The following NFATC2 variants were observed in gnomAD, a reference collection of about 807,000 sequenced individuals.
NFATC2 encodes the protein nuclear factor of activated T cells 2.
Under a neutral mutation model 87.3 loss-of-function variants are expected in NFATC2, and 22 were observed. The ratio of observed to expected loss-of-function variants is 0.25; its 90% confidence interval spans 0.18 to 0.36. The LOEUF (loss-of-function observed/expected upper bound fraction) is 0.36, where lower values mean the gene tolerates loss of function less well. NFATC2 is among the 10% of genes least tolerant of loss of function. The pLI, the probability that NFATC2 is intolerant of heterozygous loss-of-function variation, is 1.00. For synonymous variants in NFATC2, 565 were observed against 542.2 expected (o/e 1.04, Z -0.58); for missense variants, 1,149 against 1,259.1 (o/e 0.91, Z 1.32).
At chr20:51,428,153 TA>T (rs1982139490) in intron 9 of NFATC2, among the ~76,000 whole-genome samples, 2 of 151,658 alleles carry the variant, frequency 1.3e-5, no homozygotes, top group Non-Finnish European at 2.9e-5. Flanking sequence ...GACAGAGGAA[TA>T]GGGGAGAAAG....
At position 51,528,626 on chromosome 20, in the gene NFATC2, G is replaced by A. The variant is rs938030914; in HGVS notation, c.131-4516C>T. Among the ~76,000 whole-genome samples the A allele has an allele frequency of 5.9e-5, 9 of 152,376 alleles. No homozygotes were observed. The East Asian group carries it at 1.7e-3, about 29-fold the overall frequency. ...AGGGGAACTAAGGAATGGGAGGACA[G>A]TGGCATGGCAGAAAGGAGACTTCCT... On this transcript the variant is annotated intron_variant, in intron 1 of 10. Coordinates refer to ENST00000371564, the MANE Select transcript of NFATC2 (RefSeq NM_012340.5).
intron 3 of NFATC2, among the ~76,000 whole-genome samples, chr20:51,481,490 G>T (rs1195323806): frequency 3.3e-5 from 5 of 152,156 alleles, no homozygotes; most frequent in African/African-American, 1.2e-4. Context: ...CTGCAGCCAA[G>T]GTGAGAGCGA....
intron 9 of NFATC2, among the ~76,000 whole-genome samples, chr20:51,416,892 C>CGCTGGTTGAATGTGAGG (rs1435259526): frequency 1.1e-4 from 17 of 152,220 alleles, no homozygotes; most frequent in Non-Finnish European, 2.4e-4. Context: ...TTCACTTTAG[C>CGCTGGTTGAATGTGAGG]GCTGGTTGAA....
At position 51,436,585 on chromosome 20, in the gene NFATC2, G is replaced by A. The variant is rs181426750; in HGVS notation, c.1850-824C>T. On this transcript the variant is annotated intron_variant, in intron 6 of 10. Transcript: ENST00000371564. ...CAAAAATTAGCCAGGTGTGGTTGCA[G>A]GTGCCTGTAATCCCAGCTACTTGGG... Among the ~76,000 whole-genome samples the A allele has an allele frequency of 1.4e-3, 216 of 152,008 alleles. 1 individual carries two copies. In the South Asian group the frequency reaches 0.017, roughly 12 times the overall value.
chr20:51,535,521 G>A (rs925016588), intron 1 of NFATC2, among the ~76,000 whole-genome samples: 1 of 152,168 alleles, frequency 6.6e-6, no homozygotes, highest in East Asian at 1.9e-4. Context: ...CTTTTCCCCA[G>A]GAGCTTTCAT....
chr20:51,449,082 C>T (rs1985450393), intron 6 of NFATC2, among the ~76,000 whole-genome samples: 1 of 152,076 alleles, frequency 6.6e-6, no homozygotes, highest in Non-Finnish European at 1.5e-5. Context: ...TGCCGATGAC[C>T]AAACTCGGGG....
chr20:51,391,597 C>T (rs2146195936), intron 10 of NFATC2, 146 bp from the exon 11 acceptor site: 4 of 848,030 alleles, frequency 4.7e-6, no homozygotes, highest in Non-Finnish European at 7.4e-6. Context: ...GGCTGGAGTG[C>T]AATGGCATGA....
At chr20:51,547,023 A>G (rs2076895050), upstream of NFATC2, among the ~76,000 whole-genome samples, 2 of 152,168 alleles carry the variant, frequency 1.3e-5, no homozygotes, top group Admixed American at 6.5e-5. Flanking sequence ...GCTGGGAGGT[A>G]AGTGGGGCCC....
At position 51,499,985 on chromosome 20, in the gene NFATC2, C is replaced by T. The variant is rs6096448; in HGVS notation, c.1332+16799G>A. Among the ~76,000 whole-genome samples the T allele has an allele frequency of 3.3e-3, 500 of 152,216 alleles. 2 individuals are homozygous for T. Among genetic ancestry groups the T allele is most frequent in the African/African-American group, 0.011 (470 of 41,510 alleles). The stretch of plus-strand genomic sequence containing the variant: ...AACCTCTGCCTTTAATGATCTGAGT[C>T]GTGGCTCTGCCAATTTAGTTGCTGT... On this transcript the variant is annotated intron_variant, in intron 3 of 10. Transcript: ENST00000371564.
chr20:51,544,553 G>C (rs1211304466), upstream of NFATC2, among the ~76,000 whole-genome samples: 1 of 152,300 alleles, frequency 6.6e-6, no homozygotes, highest in South Asian at 2.1e-4. Context: ...AGATGTTGGG[G>C]ATGCAACCAT....
At chr20:51,397,249 T>C (rs1987300933) in intron 10 of NFATC2, among the ~76,000 whole-genome samples, 1 of 152,202 alleles carries the variant, frequency 6.6e-6, no homozygotes, top group Non-Finnish European at 1.5e-5. Context: ...CTCCCAGACC[T>C]CTGCTTTACA....
At position 51,523,918 on chromosome 20, in the gene NFATC2, C is replaced by T. The variant is rs1446854041; in HGVS notation, c.323G>A (p.Gly108Asp). 2.5e-6 allele frequency: 4 copies of T among 1,603,280 alleles called. No homozygotes were observed. Among genetic ancestry groups the T allele is most frequent in the South Asian group, 1.1e-5 (1 of 89,562 alleles). The change falls in exon 2 of 11, where the codon GGC becomes GAC. Residue 108 changes from glycine to aspartate, a missense_variant. Physicochemically the swap from Gly to Asp is moderately conservative, Grantham distance 94. Around this residue, in one of 3 missense-constraint regions of NFATC2, gnomAD observed 563 missense variants for 585.2 expected, o/e 0.96. Coordinates refer to ENST00000371564, the MANE Select transcript of NFATC2 (RefSeq NM_012340.5). The surrounding 1 kb of genome is among the most constrained non-coding windows in gnomAD (Gnocchi z 6.9). ...AGTGATCTCGATCCGAGGGCTCAGG[C>T]CCGAGGCCCCTGCTGGCTTGGCCGC... ...LSAAKPAGAS[G>D]LSPRIEITPS...
At chr20:51,543,588 A>G (rs1288571596), upstream of NFATC2, among the ~76,000 whole-genome samples, 1 of 152,178 alleles carries the variant, frequency 6.6e-6, no homozygotes, top group African/African-American at 2.4e-5. Context: ...CGAGGAGTAC[A>G]GTTCTGATGG....
chr20:51,425,206 T>C (rs1043223913), intron 9 of NFATC2, among the ~76,000 whole-genome samples: 1 of 152,218 alleles, frequency 6.6e-6, no homozygotes, highest in African/African-American at 2.4e-5. Flanking sequence ...CTTTTTTATA[T>C]ATTTTTCCTA....
chr20:51,391,280 T>C lies in NFATC2; in HGVS notation c.*216A>G. On this transcript the variant is annotated 3_prime_UTR_variant, in exon 11 of 11. Transcript: ENST00000371564. ...GAGAGTCCGCTTAGTGCCCATACAT[T>C]GATCCGCGTGTGGACTCCGGGCTGG... 3.7e-6 allele frequency: 4 copies of C among 1,077,684 alleles called. No individual in the cohort carries two copies. In the African/African-American group the frequency reaches 6.2e-5, roughly 17 times the overall value. The allele number at this position is 1,077,684 out of a possible 1,614,324, so 66.8% of individuals were successfully genotyped here.
Position 51,457,046 on chromosome 20 carries a change from C to T in NFATC2, c.1709-2358G>A, listed in dbSNP as rs1035679731. Among the ~76,000 whole-genome samples the T allele has an allele frequency of 3.3e-4, 51 of 152,358 alleles. 1 individual carries two copies. Among genetic ancestry groups the T allele is most frequent in the African/African-American group, 1.2e-3 (48 of 41,584 alleles). Reference sequence around the variant, plus strand: ...CCTGCCAGCGCTGCCCCAGGGGCTGCCGGCTACAAGGATAGATTACAAAGA... The same window carrying T: ...CCTGCCAGCGCTGCCCCAGGGGCTGTCGGCTACAAGGATAGATTACAAAGA... On this transcript the variant is annotated intron_variant, in intron 5 of 10. Transcript: ENST00000371564.
chr20:51,395,681 C>T (rs747505742), intron 10 of NFATC2, among the ~76,000 whole-genome samples: 1 of 113,344 alleles, frequency 8.8e-6, no homozygotes, highest in African/African-American at 4.7e-5. Context: ...AAAAGTGAAC[C>T]GATCTTATGT....
intron 5 of NFATC2, among the ~76,000 whole-genome samples, chr20:51,460,544 T>C (rs1987029003): frequency 6.6e-6 from 1 of 151,892 alleles, no homozygotes; most frequent in African/African-American, 2.4e-5. Context: ...TATTTTAGCA[T>C]ATATGTACCA....
At chr20:51,435,449 A>G in intron 7 of NFATC2, 135 bp from the exon 8 acceptor site, 2 of 1,313,374 alleles carry the variant, frequency 1.5e-6, no homozygotes, top group South Asian at 2.8e-5. Flanking sequence ...GGGAAGTTCA[A>G]TTTCAGGGGA....
Sources: gnomAD v4.1 joint callset for allele counts (sites outside exome capture counted in the v4.1 genomes callset) on GRCh38, gnomAD v4.1.1 for gene constraint, gnomAD v4.1.1 regional missense constraint, Gnocchi (gnomAD v3.1) non-coding constraint, MANE v1.5 for transcripts, NCBI Gene and HGNC (gene_info 2026-07-23, HGNC 2026-07-21) for gene names.